The following FAM107B variants were observed in gnomAD, a reference collection of about 807,000 sequenced individuals.
The protein encoded by FAM107B is family with sequence similarity 107 member B, also known as protein FAM107B.
In FAM107B, 21 loss-of-function variants were observed where a neutral mutation model predicts 31.5. The ratio of observed to expected loss-of-function variants is 0.67; its 90% CI spans 0.47 to 0.96. The LOEUF (loss-of-function observed/expected upper bound fraction) is 0.96, where lower values mean the gene tolerates loss of function less well. FAM107B is among the 40% of genes least tolerant of loss of function. The probability of loss-of-function intolerance (pLI) is 0.00; values close to 1 mark genes in which losing one functional copy is unlikely to be tolerated. For missense variants in FAM107B, 452 were observed against 377.1 expected (o/e 1.20, Z -1.64); for synonymous variants, 157 against 141.5 (o/e 1.11, Z -0.78).
intron 1 of FAM107B, among the ~76,000 whole-genome samples, chr10:14,709,771 A>G (rs1444039749): frequency 6.6e-6 from 1 of 152,262 alleles, no homozygotes; most frequent in Non-Finnish European, 1.5e-5. Context: ...ACCCGTGAAA[A>G]GACATGGAGA....
At chr10:14,530,790 G>A (rs1041906240) in intron 2 of FAM107B, among the ~76,000 whole-genome samples, 53 of 152,140 alleles carry the variant, frequency 3.5e-4, no homozygotes, top group African/African-American at 1.3e-3. Context: ...CTTGGGTTCC[G>A]GTCACAAAGG....
At chr10:14,606,217 G>A (rs1471747612) in intron 2 of FAM107B, among the ~76,000 whole-genome samples, 1 of 152,138 alleles carries the variant, frequency 6.6e-6, no homozygotes. Context: ...ATATGGCCTT[G>A]TCATGCTCTT....
chr10:14,661,700 G>A (rs1284618361), intron 2 of FAM107B: 1 of 152,170 alleles, frequency 6.6e-6, no homozygotes, highest in Non-Finnish European at 1.5e-5. Context: ...CTATGTCCCA[G>A]TGGTTCTGTT....
intron 2 of FAM107B, among the ~76,000 whole-genome samples, chr10:14,536,172 T>C (rs1380358864): frequency 1.3e-5 from 2 of 152,240 alleles, no homozygotes; most frequent in Non-Finnish European, 2.9e-5. Context: ...ATTTACAGAT[T>C]ATGCTAGTTT....
intron 1 of FAM107B, among the ~76,000 whole-genome samples, chr10:14,679,860 A>G (rs1038453922): frequency 1.3e-5 from 2 of 152,162 alleles, no homozygotes; most frequent in African/African-American, 4.8e-5. Context: ...AGGAAAGACT[A>G]GACTGGTTCA....
intron 2 of FAM107B, among the ~76,000 whole-genome samples, chr10:14,567,544 G>C (rs1375654956): frequency 6.6e-6 from 1 of 152,112 alleles, no homozygotes; most frequent in African/African-American, 2.4e-5. Context: ...TCATAGAGAG[G>C]CAACTGTGTA....
At chr10:14,671,553 C>A (rs1326543319) in intron 1 of FAM107B, among the ~76,000 whole-genome samples, 1 of 152,106 alleles carries the variant, frequency 6.6e-6, no homozygotes, top group South Asian at 2.1e-4. Flanking sequence ...GGACCCCCTC[C>A]CATCTCGCTG....
At chr10:14,718,197 C>A (rs1370860887) in intron 1 of FAM107B, among the ~76,000 whole-genome samples, 1 of 151,962 alleles carries the variant, frequency 6.6e-6, no homozygotes, top group Non-Finnish European at 1.5e-5. Context: ...TGTGGTGGCA[C>A]GCACCTGTAG....
chr10:14,665,837 T>C (rs1486330062), intron 2 of FAM107B, among the ~76,000 whole-genome samples: 1 of 152,226 alleles, frequency 6.6e-6, no homozygotes, highest in African/African-American at 2.4e-5. Context: ...TTTGATTATA[T>C]AGATATCTTC....
chr10:14,618,433 A>G (rs1852907924), intron 2 of FAM107B, among the ~76,000 whole-genome samples: 1 of 152,046 alleles, frequency 6.6e-6, no homozygotes, highest in Non-Finnish European at 1.5e-5. Context: ...TAGGAGTGGG[A>G]CTGTCGGGTT....
chr10:14,589,652 G>A (rs575940792), intron 2 of FAM107B, among the ~76,000 whole-genome samples: 1 of 152,192 alleles, frequency 6.6e-6, no homozygotes, highest in East Asian at 1.9e-4. Context: ...ATTCTTGGGG[G>A]ATGAGGGGCA....
At chr10:14,541,476 G>C (rs552930120) in intron 2 of FAM107B, among the ~76,000 whole-genome samples, 3 of 152,080 alleles carry the variant, frequency 2.0e-5, no homozygotes, top group Non-Finnish European at 4.4e-5. Context: ...ATTTCCTCCT[G>C]GGCAGAAATC....
In FAM107B at chr10:14,574,755, A is replaced by G. The variant is rs182119316; in HGVS notation, c.470-44240T>C. Among the ~76,000 whole-genome samples the G allele has an allele frequency of 2.2e-3, 334 of 152,354 alleles. 1 individual carries two copies. The highest frequency in any genetic ancestry group is 7.5e-3 in the African/African-American group (313 of 41,580). On this transcript the variant is annotated intron_variant, in intron 2 of 4. Transcript: ENST00000181796. Reference sequence around the variant, plus strand: ...TTACTTGATTTTTTAATAACATTACATTCACACTTTTCCCCAAAGCATCTC... The same window carrying G: ...TTACTTGATTTTTTAATAACATTACGTTCACACTTTTCCCCAAAGCATCTC...
chr10:14,770,743 T>G (rs921143336), intron 1 of FAM107B, among the ~76,000 whole-genome samples: 2 of 152,076 alleles, frequency 1.3e-5, no homozygotes, highest in African/African-American at 4.8e-5. Flanking sequence ...ATACAAAAAG[T>G]TGAAGACTGA....
chr10:14,534,435 C>G (rs1043047393), intron 2 of FAM107B, among the ~76,000 whole-genome samples: 3 of 152,166 alleles, frequency 2.0e-5, no homozygotes, highest in African/African-American at 7.2e-5. Context: ...CAGCTCTCTT[C>G]CCTCTGCCAG....
At chr10:14,607,432 T>C (rs1264673812) in intron 2 of FAM107B, among the ~76,000 whole-genome samples, 2 of 152,098 alleles carry the variant, frequency 1.3e-5, no homozygotes, top group Admixed American at 1.3e-4. Flanking sequence ...TGTGGGGGGA[T>C]CCCAGGAAAT....
intron 3 of FAM107B, chr10:14,527,802 T>C (rs1846456649): frequency 8.7e-6 from 2 of 228,868 alleles, no homozygotes; most frequent in African/African-American, 2.4e-5. Context: ...TGATGTATCC[T>C]ATAGTTTGGC....
chr10:14,632,255 G>A (rs536358510), intron 2 of FAM107B, among the ~76,000 whole-genome samples: 2 of 143,016 alleles, frequency 1.4e-5, no homozygotes, highest in Admixed American at 7.5e-5. Context: ...TGGAGATCGC[G>A]TCACTGCACT....
intron 2 of FAM107B, among the ~76,000 whole-genome samples, chr10:14,630,111 C>T (rs1351011610): frequency 6.6e-6 from 1 of 152,006 alleles, no homozygotes; most frequent in Non-Finnish European, 1.5e-5. Flanking sequence ...ATTTCCTGTT[C>T]TCCATACTTA....
Sources: allele counts gnomAD v4.1 joint callset (sites outside exome capture counted in the v4.1 genomes callset), GRCh38; gene constraint gnomAD v4.1.1; transcripts MANE v1.5; gene names NCBI Gene and HGNC (gene_info 2026-07-23, HGNC 2026-07-21).